The following PDZRN4 variants were observed in gnomAD, a reference collection of about 807,000 sequenced individuals.
PDZRN4 encodes PDZ domain containing ring finger 4.
A neutral mutation model predicts 99.0 loss-of-function variants in PDZRN4; 70 were observed. The observed-to-expected ratio is 0.71, with a 90% CI of 0.58 to 0.86. The LOEUF is 0.86. Ranked by LOEUF, PDZRN4 falls within the 40% of genes least tolerant of loss-of-function variation. The pLI is 0.00. For missense variants in PDZRN4, 1,474 were observed against 1,331.2 expected, an observed-to-expected ratio of 1.11 and a Z score of -1.67; for synonymous variants, 551 against 501.6, an observed-to-expected ratio of 1.10 and a Z score of -1.32.
At chr12:41,411,792 T>C (rs1037277135) in intron 3 of PDZRN4, 1 of 152,250 alleles carries the variant, frequency 6.6e-6, no homozygotes, top group Non-Finnish European at 1.5e-5. Context: ...TTCTTCACTC[T>C]TCACTTTCTT....
At chr12:41,193,830 G>A (rs983356314) in intron 2 of PDZRN4, among the ~76,000 whole-genome samples, 3 of 151,988 alleles carry the variant, frequency 2.0e-5, no homozygotes, top group Admixed American at 1.3e-4. Flanking sequence ...CTTTCCCATA[G>A]CTTTTTTATG....
intron 5 of PDZRN4, among the ~76,000 whole-genome samples, chr12:41,549,486 T>C (rs1188331598): frequency 6.6e-6 from 1 of 152,232 alleles, no homozygotes; most frequent in African/African-American, 2.4e-5. Flanking sequence ...TTCTGTGTTT[T>C]AATATAAACT....
At chr12:41,475,570 T>A (rs189127754) in intron 3 of PDZRN4, among the ~76,000 whole-genome samples, 1 of 152,314 alleles carries the variant, frequency 6.6e-6, no homozygotes, top group East Asian at 1.9e-4. Context: ...CATAAGAACA[T>A]TCACGTACTC....
chr12:41,397,065 T>A (rs1952251422), intron 3 of PDZRN4, among the ~76,000 whole-genome samples: 1 of 152,166 alleles, frequency 6.6e-6, no homozygotes, highest in South Asian at 2.1e-4. Context: ...GCCCATAAAA[T>A]ACATTTTTAA....
chr12:41,209,520 C>CG (rs35409506), intron 3 of PDZRN4, among the ~76,000 whole-genome samples: 12 of 143,352 alleles, frequency 8.4e-5, no homozygotes, highest in African/African-American at 3.1e-4. Flanking sequence ...CAACAGGCCC[C>CG]GATGTGTGAT....
chr12:41,402,207 TAC>T (rs369507359), intron 3 of PDZRN4, among the ~76,000 whole-genome samples: 2 of 47,320 alleles, frequency 4.2e-5, no homozygotes, highest in African/African-American at 3.1e-4. Flanking sequence ...ACACTGAGTA[TAC>T]ATATATATAC....
chr12:41,487,125 A>G (rs1937793210), intron 3 of PDZRN4, among the ~76,000 whole-genome samples: 1 of 152,092 alleles, frequency 6.6e-6, no homozygotes, highest in Admixed American at 6.6e-5. Context: ...TAATTGAAGT[A>G]TTTTTACATT....
At chr12:41,442,130 C>A (rs1175399237) in intron 3 of PDZRN4, among the ~76,000 whole-genome samples, 4 of 152,088 alleles carry the variant, frequency 2.6e-5, no homozygotes, top group African/African-American at 9.7e-5. Flanking sequence ...TTCTAGGTTT[C>A]TTTCCAATTG....
chr12:41,335,160 A>T (rs1436818359), intron 3 of PDZRN4, among the ~76,000 whole-genome samples: 2 of 148,670 alleles, frequency 1.3e-5, no homozygotes, highest in Non-Finnish European at 3.0e-5. Flanking sequence ...TCATTTACAC[A>T]TCTAAAGCAG....
chr12:41,359,899 T>TA (rs1951952938), intron 3 of PDZRN4, among the ~76,000 whole-genome samples: 1 of 152,012 alleles, frequency 6.6e-6, no homozygotes, highest in African/African-American at 2.4e-5. Context: ...TGTGACAATT[T>TA]AAAAAATCAT....
intron 3 of PDZRN4, among the ~76,000 whole-genome samples, chr12:41,272,416 C>T (rs1404253670): frequency 6.6e-6 from 1 of 151,946 alleles, no homozygotes; most frequent in Non-Finnish European, 1.5e-5. Context: ...ATATATTGAT[C>T]CTAAAGTGAC....
At chr12:41,360,409 G>T (rs1407305414) in intron 3 of PDZRN4, among the ~76,000 whole-genome samples, 1 of 151,972 alleles carries the variant, frequency 6.6e-6, no homozygotes, top group South Asian at 2.1e-4. Context: ...ATCTCTCATG[G>T]TGCTTTAGCT....
At chr12:41,513,231 G>A (rs960173920) in intron 5 of PDZRN4, among the ~76,000 whole-genome samples, 14 of 152,030 alleles carry the variant, frequency 9.2e-5, no homozygotes, top group African/African-American at 3.1e-4. Flanking sequence ...CGGCAGACAA[G>A]CAAATGCTTC....
chr12:41,488,199 C>A (rs1937812816), intron 3 of PDZRN4, among the ~76,000 whole-genome samples: 1 of 152,146 alleles, frequency 6.6e-6, no homozygotes, highest in Non-Finnish European at 1.5e-5. Flanking sequence ...AATCCTGACC[C>A]AAGTCAGTGA....
At chr12:41,422,734 G>A (rs768236060) in intron 3 of PDZRN4, among the ~76,000 whole-genome samples, 4 of 152,106 alleles carry the variant, frequency 2.6e-5, no homozygotes, top group Non-Finnish European at 5.9e-5. Context: ...CTCGACATGT[G>A]GGGATTGTAA....
At chr12:41,359,357 A>G (rs1292509064) in intron 3 of PDZRN4, among the ~76,000 whole-genome samples, 1 of 152,014 alleles carries the variant, frequency 6.6e-6, no homozygotes, top group Non-Finnish European at 1.5e-5. Flanking sequence ...CACCTCTTAA[A>G]TATTTTCAGT....
intron 3 of PDZRN4, among the ~76,000 whole-genome samples, chr12:41,326,574 C>T (rs575473758): frequency 6.6e-6 from 1 of 152,230 alleles, no homozygotes; most frequent in Non-Finnish European, 1.5e-5. Flanking sequence ...ATTTGGCCCA[C>T]ATGGGATCAA....
At chr12:41,507,158 G>T (rs945548069) in intron 4 of PDZRN4, among the ~76,000 whole-genome samples, 1 of 152,098 alleles carries the variant, frequency 6.6e-6, no homozygotes, top group African/African-American at 2.4e-5. Context: ...TCTTTAAAGA[G>T]AAGCTAGGAA....
chr12:41,269,939 A>G (rs371738769), intron 3 of PDZRN4, among the ~76,000 whole-genome samples: 1 of 152,296 alleles, frequency 6.6e-6, no homozygotes, highest in Non-Finnish European at 1.5e-5. Context: ...TATAAAGTCA[A>G]TTAAATGCCA....
Sources: allele counts gnomAD v4.1 joint callset (sites outside exome capture counted in the v4.1 genomes callset), GRCh38; gene constraint gnomAD v4.1.1; transcripts MANE v1.5; gene names NCBI Gene and HGNC (gene_info 2026-07-23, HGNC 2026-07-21).